RBPJ: variants seen among roughly 807,000 people sequenced by gnomAD.
The protein encoded by RBPJ is recombining binding protein suppressor of hairless.
In RBPJ, 9 loss-of-function variants were observed where a neutral mutation model predicts 67.8. That is an observed-to-expected ratio of 0.13 (90% CI 0.08 to 0.23). RBPJ has a LOEUF of 0.23. Among genes scored for constraint, RBPJ ranks in the 10% least tolerant of loss-of-function variants. The probability of loss-of-function intolerance (pLI) is 1.00; values close to 1 mark genes in which losing one functional copy is unlikely to be tolerated. For synonymous variants in RBPJ, 198 were observed against 203.3 expected, an observed-to-expected ratio of 0.97 and a Z score of 0.22; for missense variants, 305 against 595.6, an observed-to-expected ratio of 0.51 and a Z score of 5.08.
rs1186422694 is a variant in RBPJ at position 26,191,151 on chromosome 4, C to CA, written c.-167+27567dup. 1.4e-3 allele frequency among the ~76,000 whole-genome samples: 15 copies of CA among 10,518 alleles called. 1 individual carries two copies. The highest frequency in any genetic ancestry group is 2.6e-3 in the Admixed American group (1 of 388). The allele number at this position is 10,518 out of a possible 152,430, so 6.9% of individuals were successfully genotyped here. ...TGGGCAACGGAATGAGACCCTGTCT[C>CA]AAAAAAAAAAAAAAAAAAAAAAAAA... On this transcript the variant is annotated intron_variant, in intron 1 of 4. Coordinates refer to the RBPJ transcript ENST00000512351.
chr4:26,360,107 G>A (rs566458711), intron 1 of RBPJ, among the ~76,000 whole-genome samples: 110 of 152,230 alleles, frequency 7.2e-4, no homozygotes, highest in African/African-American at 2.5e-3. Context: ...TATATACAAA[G>A]TTTTGAATTA....
rs531847696 is a variant in RBPJ, at chr4:26,290,383, C to A, written c.-166-72063C>A. On this transcript the variant is annotated intron_variant, in intron 1 of 4. Coordinates refer to the RBPJ transcript ENST00000512351. The stretch of plus-strand genomic sequence containing the variant: ...TGAGCTGTAATAACCCTTTTTGGAC[C>A]AATATGCTGTGACTCTGTGGCTTTA... Among the ~76,000 whole-genome samples the A allele has an allele frequency of 3.2e-4, 47 of 148,194 alleles. 2 individuals carry two copies. The highest frequency in any genetic ancestry group is 4.6e-4 in the Non-Finnish European group (31 of 66,892).
chr4:26,435,007 A>C (rs941620972), downstream of RBPJ: 1 of 152,226 alleles, frequency 6.6e-6, no homozygotes, highest in Non-Finnish European at 1.5e-5. Flanking sequence ...ATTCTATATT[A>C]TAGTTGGTGT....
the RBPJ span, among the ~76,000 whole-genome samples, chr4:26,139,334 G>C: frequency 2.0e-5 from 3 of 152,170 alleles, no homozygotes; most frequent in Non-Finnish European, 4.4e-5. Context: ...TATTTATTGG[G>C]TACTAAAAAA....
chr4:26,169,134 A>G (rs9685595), intron 1 of RBPJ, among the ~76,000 whole-genome samples: 150,207 of 152,252 alleles, frequency 0.99, 74,103 homozygotes, highest in East Asian at 1. Context: ...TCCTTTGGAG[A>G]AGGAGAGGTG....
intron 1 of RBPJ, among the ~76,000 whole-genome samples, chr4:26,232,414 CT>C (rs906689354): frequency 6.6e-6 from 1 of 152,152 alleles, no homozygotes; most frequent in African/African-American, 2.4e-5. Flanking sequence ...CCCTTAATTA[CT>C]TTTTGTAGAG....
At chr4:26,350,767 T>C (rs1726714004) in intron 1 of RBPJ, among the ~76,000 whole-genome samples, 1 of 152,182 alleles carries the variant, frequency 6.6e-6, no homozygotes, top group Admixed American at 6.5e-5. Flanking sequence ...GATTCCCTGG[T>C]TTTTGGCCTG....
chr4:26,397,168 AAGC>A (rs1240353139), intron 2 of RBPJ, among the ~76,000 whole-genome samples: 1 of 152,180 alleles, frequency 6.6e-6, no homozygotes, highest in East Asian at 1.9e-4. Context: ...GATTTCACTG[AAGC>A]ATCTTGGATT....
chr4:26,128,895 C>T, the RBPJ span, among the ~76,000 whole-genome samples: 1 of 152,180 alleles, frequency 6.6e-6, no homozygotes, highest in South Asian at 2.1e-4. Context: ...CTCATTTTCT[C>T]TCTTGTCTGC....
At chr4:26,174,503 T>G (rs9884615) in intron 1 of RBPJ, among the ~76,000 whole-genome samples, 1,677 of 152,276 alleles carry the variant, frequency 0.011, 28 homozygotes, top group African/African-American at 0.038. Context: ...GGAGTCTTAC[T>G]CTGTTGCCCA....
intron 1 of RBPJ, among the ~76,000 whole-genome samples, chr4:26,294,649 G>A (rs1469133875): frequency 1.3e-5 from 2 of 152,040 alleles, no homozygotes; most frequent in African/African-American, 4.8e-5. Flanking sequence ...GGAGGTCGAG[G>A]TGGGTGAATC....
chr4:26,273,460 G>A (rs561768543), intron 1 of RBPJ, among the ~76,000 whole-genome samples: 1 of 152,330 alleles, frequency 6.6e-6, no homozygotes, highest in South Asian at 2.1e-4. Flanking sequence ...GCGTGGAGCG[G>A]GCCTCCCGGC....
At chr4:26,193,750 C>T (rs1717653993) in intron 1 of RBPJ, among the ~76,000 whole-genome samples, 1 of 152,190 alleles carries the variant, frequency 6.6e-6, no homozygotes, top group Non-Finnish European at 1.5e-5. Context: ...ATCCAAAAAT[C>T]TGACACTGCC....
chr4:26,116,865 G>A, the RBPJ span, among the ~76,000 whole-genome samples: 9 of 152,324 alleles, frequency 5.9e-5, no homozygotes, highest in African/African-American at 2.2e-4. Context: ...AGTTCCCAAT[G>A]CTCATGTGCC....
intron 1 of RBPJ, among the ~76,000 whole-genome samples, chr4:26,338,516 C>T (rs1725142893): frequency 6.6e-6 from 1 of 151,460 alleles, no homozygotes; most frequent in Non-Finnish European, 1.5e-5. Flanking sequence ...ATCTCTTTAA[C>T]CCTTCTGGAA....
At chr4:26,416,774 C>A (rs933122537) in intron 4 of RBPJ, among the ~76,000 whole-genome samples, 2 of 152,088 alleles carry the variant, frequency 1.3e-5, no homozygotes, top group Non-Finnish European at 2.9e-5. Flanking sequence ...TGGAGGTGAG[C>A]TAGGGGATTT....
intron 1 of RBPJ, chr4:26,343,187 C>T (rs1025027260): frequency 3.3e-5 from 5 of 152,148 alleles, no homozygotes; most frequent in Middle Eastern, 3.4e-3. Flanking sequence ...TTCAGCAGGG[C>T]GAGTTAGGAC....
intron 1 of RBPJ, among the ~76,000 whole-genome samples, chr4:26,385,110 T>A (rs2109626594): frequency 6.8e-6 from 1 of 147,950 alleles, no homozygotes; most frequent in East Asian, 2.0e-4. Context: ...AACCACTGCC[T>A]CCTGGGTTCA....
chr4:26,316,580 T>TAC (rs1244537022), upstream of RBPJ, among the ~76,000 whole-genome samples: 22 of 89,718 alleles, frequency 2.5e-4, no homozygotes, highest in African/African-American at 6.5e-4. Flanking sequence ...TTCATATATA[T>TAC]ACATTCATAT....
Sources: allele counts gnomAD v4.1 joint callset (sites outside exome capture counted in the v4.1 genomes callset), GRCh38; gene constraint gnomAD v4.1.1; transcripts MANE v1.5; gene names NCBI Gene and HGNC (gene_info 2026-07-23, HGNC 2026-07-21).